Variants in FNBP1L observed in about 807,000 individuals in gnomAD.
FNBP1L encodes formin binding protein 1 like.
Under a neutral mutation model 91.2 loss-of-function variants are expected in FNBP1L, and 36 were observed. That is an observed-to-expected ratio of 0.39 (90% CI 0.30 to 0.52). The LOEUF is 0.52. FNBP1L is among the 20% of genes least tolerant of loss of function. The probability of loss-of-function intolerance (pLI) is 0.66; values close to 1 mark genes in which losing one functional copy is unlikely to be tolerated. For synonymous variants in FNBP1L, 242 were observed against 237.0 expected (o/e 1.02, Z -0.19); for missense variants, 571 against 732.1 (o/e 0.78, Z 2.54).
chr1:93,533,247 G>T (rs1157335243), intron 8 of FNBP1L, among the ~76,000 whole-genome samples, 179 bp downstream of exon 8: 1 of 149,946 alleles, frequency 6.7e-6, no homozygotes, highest in Non-Finnish European at 1.5e-5. Context: ...ACATGCAAAA[G>T]TTCTAATTCT....
chr1:93,528,020 T>C (rs2101755253), intron 5 of FNBP1L, among the ~76,000 whole-genome samples: 1 of 151,700 alleles, frequency 6.6e-6, no homozygotes, highest in East Asian at 1.9e-4. Context: ...AAGATAAAGT[T>C]CAATAAATAC....
At chr1:93,549,514 A>G in intron 15 of FNBP1L, 88 bp downstream of exon 15, 7 of 1,032,872 alleles carry the variant, frequency 6.8e-6, no homozygotes, top group Non-Finnish European at 9.4e-6. Context: ...ATCCTTATTT[A>G]AGTAATATAT....
At chr1:93,511,793 C>T (rs1418308868) in intron 2 of FNBP1L, among the ~76,000 whole-genome samples, 18 of 151,454 alleles carry the variant, frequency 1.2e-4, no homozygotes, top group African/African-American at 3.2e-4. Flanking sequence ...GGTGAAACCC[C>T]GTCTCTACTG....
chr1:93,455,527 A>G (rs557972397), intron 1 of FNBP1L, among the ~76,000 whole-genome samples: 14 of 152,308 alleles, frequency 9.2e-5, no homozygotes, highest in African/African-American at 2.2e-4. Context: ...TTGAGCATCC[A>G]TGGCGAATAC....
At chr1:93,477,355 T>G (rs1240609244) in intron 1 of FNBP1L, among the ~76,000 whole-genome samples, 1 of 152,244 alleles carries the variant, frequency 6.6e-6, no homozygotes, top group Non-Finnish European at 1.5e-5. Flanking sequence ...TACTGTACAG[T>G]GTTTATAAGC....
intron 1 of FNBP1L, among the ~76,000 whole-genome samples, chr1:93,449,624 C>T (rs1306356693): frequency 6.6e-6 from 1 of 152,154 alleles, no homozygotes; most frequent in Non-Finnish European, 1.5e-5. Context: ...ATCTCTTGTG[C>T]AACATTCTGT....
At chr1:93,529,196 A>T (rs1671591128) in intron 5 of FNBP1L, among the ~76,000 whole-genome samples, 1 of 152,090 alleles carries the variant, frequency 6.6e-6, no homozygotes, top group Non-Finnish European at 1.5e-5. Flanking sequence ...ATGAGGACTT[A>T]TATTTTTTAT....
chr1:93,450,361 A>G (rs1237687233), intron 1 of FNBP1L, among the ~76,000 whole-genome samples: 2 of 152,138 alleles, frequency 1.3e-5, no homozygotes, highest in Non-Finnish European at 2.9e-5. Flanking sequence ...AAGATTTTTA[A>G]TTTTTCTCAA....
At position 93,530,747 on chromosome 1, in the gene FNBP1L, G is replaced by T. The variant is rs199743116; in HGVS notation, c.511-8G>T. The T allele has an allele frequency of 6.9e-3, 11,053 of 1,594,810 alleles. 62 individuals are homozygous for T. The highest frequency in any genetic ancestry group is 0.028 in the Middle Eastern group (168 of 5,964). ...TGTTGATAATAATTTCGACCATTTT[G>T]CCCCTAGGCCAAACAGCAGTTGAAT... On this transcript the variant is annotated splice_region_variant and splice_polypyrimidine_tract_variant and intron_variant, in intron 6 of 16. Coordinates refer to ENST00000271234, the MANE Select transcript of FNBP1L (RefSeq NM_001164473.3).
chr1:93,479,870 AGTG>A (rs1415680892), intron 1 of FNBP1L, among the ~76,000 whole-genome samples: 1 of 152,206 alleles, frequency 6.6e-6, no homozygotes, highest in African/African-American at 2.4e-5. Flanking sequence ...TTTGTACAAT[AGTG>A]GTCCTGAGGT....
At position 93,448,165 on chromosome 1, in the gene FNBP1L, T is replaced by C; in HGVS notation, c.-117T>C. The C allele has an allele frequency of 7.4e-7, 1 of 1,344,608 alleles. No homozygotes were observed. Among genetic ancestry groups the C allele is most frequent in the South Asian group, 1.3e-5 (1 of 74,868 alleles). 83.3% of individuals were successfully genotyped at this position (1,344,608 alleles called of 1,614,324 possible). A position where few individuals can be genotyped will look rare whatever the true frequency, so the allele number is the denominator to read the frequency against. ...GGGGAGCCCGGCGGTGGCGGCACCT[T>C]TCGAGGTAGACCCGCTGAGCTGCTA... On this transcript the variant is annotated 5_prime_UTR_variant, in exon 1 of 17. Coordinates refer to ENST00000271234, the MANE Select transcript of FNBP1L (RefSeq NM_001164473.3).
chr1:93,515,714 A>C (rs1338569386), intron 2 of FNBP1L, among the ~76,000 whole-genome samples: 1 of 139,882 alleles, frequency 7.1e-6, no homozygotes, highest in Non-Finnish European at 1.5e-5. Context: ...GAATTGAACA[A>C]TGAGAACACA....
intron 1 of FNBP1L, chr1:93,488,313 T>A (rs1669977760): frequency 6.6e-6 from 1 of 152,152 alleles, no homozygotes. Context: ...TTGTTTTGTT[T>A]GTCTTTTTTA....
chr1:93,460,815 C>A (rs1478552629), intron 1 of FNBP1L, among the ~76,000 whole-genome samples: 1 of 152,136 alleles, frequency 6.6e-6, no homozygotes, highest in Non-Finnish European at 1.5e-5. Flanking sequence ...AAGACTTAAA[C>A]TTTCAGTTAT....
intron 1 of FNBP1L, among the ~76,000 whole-genome samples, chr1:93,475,943 T>C (rs904285148): frequency 1.3e-5 from 2 of 152,242 alleles, no homozygotes; most frequent in Non-Finnish European, 2.9e-5. Context: ...CTACATATTC[T>C]GTGTTTTGTT....
At chr1:93,477,298 CGAAT>C (rs1669530449) in intron 1 of FNBP1L, among the ~76,000 whole-genome samples, 1 of 152,086 alleles carries the variant, frequency 6.6e-6, no homozygotes, top group South Asian at 2.1e-4. Context: ...AAATGAAAAA[CGAAT>C]GAATGAGCTG....
intron 2 of FNBP1L, among the ~76,000 whole-genome samples, chr1:93,506,231 G>T (rs1260081856): frequency 6.6e-6 from 1 of 152,140 alleles, no homozygotes; most frequent in African/African-American, 2.4e-5. Flanking sequence ...CTGAAACACC[G>T]CCAAAGCCCT....
chr1:93,526,220 T>C (rs963666337), intron 5 of FNBP1L, among the ~76,000 whole-genome samples: 5 of 152,288 alleles, frequency 3.3e-5, no homozygotes, highest in Admixed American at 6.5e-5. Flanking sequence ...GCGAGGTCCA[T>C]CAGTTACAAG....
intron 1 of FNBP1L, among the ~76,000 whole-genome samples, chr1:93,476,200 T>C (rs1669488672): frequency 6.6e-6 from 1 of 152,222 alleles, no homozygotes; most frequent in African/African-American, 2.4e-5. Flanking sequence ...TGATTCTATG[T>C]TCAATTAAAG....
Sources: gnomAD v4.1 joint callset for allele counts (sites outside exome capture counted in the v4.1 genomes callset) on GRCh38, gnomAD v4.1.1 for gene constraint, MANE v1.5 for transcripts, NCBI Gene and HGNC (gene_info 2026-07-23, HGNC 2026-07-21) for gene names.